Variants in BNC2 observed in about 807,000 individuals in gnomAD.
BNC2 encodes the protein basonuclin zinc finger protein 2.
A neutral mutation model predicts 76.3 loss-of-function variants in BNC2; 20 were observed. The observed-to-expected ratio is 0.26, with a 90% CI of 0.18 to 0.38. BNC2 has a LOEUF of 0.38. BNC2 is among the 10% of genes least tolerant of loss of function. The pLI, the probability that BNC2 is intolerant of heterozygous loss-of-function variation, is 1.00. For synonymous variants in BNC2, 582 were observed against 514.8 expected, an observed-to-expected ratio of 1.13 and a Z score of -1.77; for missense variants, 1,382 against 1,399.8, an observed-to-expected ratio of 0.99 and a Z score of 0.20.
intron 5 of BNC2, among the ~76,000 whole-genome samples, chr9:16,516,973 A>C (rs1443499561): frequency 6.6e-6 from 1 of 152,200 alleles, no homozygotes; most frequent in East Asian, 1.9e-4. Context: ...TGTTTAAGAA[A>C]TCACTCTGTA....
At chr9:16,537,851 T>C (rs1479678807) in intron 5 of BNC2, among the ~76,000 whole-genome samples, 1 of 152,186 alleles carries the variant, frequency 6.6e-6, no homozygotes, top group Non-Finnish European at 1.5e-5. Context: ...GAATAAATCA[T>C]ACGTGAAAAC....
At chr9:16,832,122 C>G (rs1251933072) in intron 1 of BNC2, 1 of 272,118 alleles carries the variant, frequency 3.7e-6, no homozygotes, top group Admixed American at 5.5e-5. Context: ...TACTGCAATG[C>G]AGCTTCCTGG....
chr9:16,670,074 A>G (rs1427841188), intron 3 of BNC2, among the ~76,000 whole-genome samples: 1 of 152,180 alleles, frequency 6.6e-6, no homozygotes, highest in Non-Finnish European at 1.5e-5. Flanking sequence ...AAGCATGCAT[A>G]ATGTTTCAAT....
chr9:16,533,458 A>T (rs937296254), intron 5 of BNC2, among the ~76,000 whole-genome samples: 1 of 152,212 alleles, frequency 6.6e-6, no homozygotes, highest in African/African-American at 2.4e-5. Context: ...AAGAGAAATA[A>T]TTCTGAATCA....
At chr9:16,712,279 T>C (rs1457181969) in intron 3 of BNC2, among the ~76,000 whole-genome samples, 1 of 152,162 alleles carries the variant, frequency 6.6e-6, no homozygotes, top group African/African-American at 2.4e-5. Flanking sequence ...AGTAAGTAAA[T>C]TGTGAGTAGA....
At chr9:16,609,880 T>C (rs1820496349) in intron 3 of BNC2, among the ~76,000 whole-genome samples, 1 of 152,114 alleles carries the variant, frequency 6.6e-6, no homozygotes, top group South Asian at 2.1e-4. Flanking sequence ...TCCTGTCTCT[T>C]AGTATCCTCC....
At chr9:16,512,627 G>C (rs916260205) in intron 5 of BNC2, among the ~76,000 whole-genome samples, 4 of 152,086 alleles carry the variant, frequency 2.6e-5, no homozygotes, top group Non-Finnish European at 4.4e-5. Context: ...TATTTGCGAG[G>C]TTAGTATGTG....
At chr9:16,746,584 C>T (rs999295501) in intron 1 of BNC2, among the ~76,000 whole-genome samples, 1 of 151,610 alleles carries the variant, frequency 6.6e-6, no homozygotes, top group African/African-American at 2.4e-5. Context: ...AGACTGGTCT[C>T]GAACTCTTGG....
Position 16,436,526 on chromosome 9 carries a change from G to C in BNC2, c.1668C>G (p.Ser556Arg), listed in dbSNP as rs1287447161. 6.2e-7 allele frequency: 1 copy of C among 1,613,990 alleles called. No homozygotes were observed. The highest frequency in any genetic ancestry group is 1.3e-5 in the African/African-American group (1 of 74,888). ...TCTTTAGCCCAGAAAATACTAGCTG[G>C]CTAGGGAGAGGATTTTGCAAGACAG... ...LDPVLQNPLPSQLVFSGLKTV... is the reference protein window; with the variant it reads ...LDPVLQNPLPRQLVFSGLKTV... The change falls in exon 6 of 7, where the codon AGC becomes AGG. Residue 556 changes from serine to arginine, a missense_variant. Physicochemically the swap from Ser to Arg is moderately radical, Grantham distance 110. Coordinates refer to ENST00000380672, the MANE Select transcript of BNC2 (RefSeq NM_017637.6).
chr9:16,615,349 T>G (rs10123893), intron 3 of BNC2, among the ~76,000 whole-genome samples: 7 of 152,122 alleles, frequency 4.6e-5, no homozygotes, highest in African/African-American at 1.7e-4. Context: ...CACCTTGACA[T>G]ACTGAATATT....
chr9:16,744,345 G>C (rs1463977551), intron 1 of BNC2, among the ~76,000 whole-genome samples: 1 of 152,132 alleles, frequency 6.6e-6, no homozygotes, highest in Non-Finnish European at 1.5e-5. Flanking sequence ...ACGTGGGAGA[G>C]ACTTAGTTTC....
chr9:16,711,816 C>A (rs1284583801), intron 3 of BNC2, among the ~76,000 whole-genome samples: 11 of 152,156 alleles, frequency 7.2e-5, no homozygotes, highest in Admixed American at 7.2e-4. Context: ...CTGCTTTATT[C>A]AAAAATACTA....
intron 3 of BNC2, among the ~76,000 whole-genome samples, chr9:16,679,565 C>T (rs963205049): frequency 6.6e-6 from 1 of 152,004 alleles, no homozygotes; most frequent in South Asian, 2.1e-4. Flanking sequence ...TTAATGACAC[C>T]CCCTCAGCTT....
At chr9:16,660,943 T>C (rs539757537) in intron 3 of BNC2, among the ~76,000 whole-genome samples, 1 of 152,316 alleles carries the variant, frequency 6.6e-6, no homozygotes, top group South Asian at 2.1e-4. Flanking sequence ...TAAACCGTCC[T>C]CAAATTTTGG....
At chr9:16,810,837 CCTT>C (rs756473759) in intron 1 of BNC2, among the ~76,000 whole-genome samples, 1 of 152,192 alleles carries the variant, frequency 6.6e-6, no homozygotes, top group Non-Finnish European at 1.5e-5. Context: ...GCTAGATCAT[CCTT>C]CTCTTTTTCA....
In BNC2 at chr9:16,415,291, T is replaced by C. The variant is rs544636767; in HGVS notation, c.*3698A>G. 11 of 152,774 alleles carry C rather than the reference T, an allele frequency of 7.2e-5. No individual in the cohort carries two copies. Among genetic ancestry groups the C allele is most frequent in the African/African-American group, 2.6e-4 (11 of 41,590 alleles). 9.5% of individuals were successfully genotyped at this position (152,774 alleles called of 1,614,324 possible). A position where few individuals can be genotyped will look rare whatever the true frequency, so the allele number is the denominator to read the frequency against. The stretch of plus-strand genomic sequence containing the variant: ...CCTTTTTTTCTCTCTTTCCATAGCA[T>C]GCAGATATTCCCGAAAGCGGACTAA... On this transcript the variant is annotated 3_prime_UTR_variant, in exon 7 of 7. Coordinates refer to ENST00000380672, the MANE Select transcript of BNC2 (RefSeq NM_017637.6).
chr9:16,825,562 CA>C (rs947285014), intron 1 of BNC2, among the ~76,000 whole-genome samples: 3 of 152,040 alleles, frequency 2.0e-5, no homozygotes, highest in African/African-American at 7.2e-5. Flanking sequence ...TGCTGAATTT[CA>C]AAATCCCTGA....
At chr9:16,756,520 G>A (rs1825388085) in intron 1 of BNC2, among the ~76,000 whole-genome samples, 1 of 152,228 alleles carries the variant, frequency 6.6e-6, no homozygotes, top group East Asian at 1.9e-4. Context: ...TGCAGCTGAG[G>A]TTCCAAAATC....
At chr9:16,753,038 T>A (rs1381448593) in intron 1 of BNC2, among the ~76,000 whole-genome samples, 1 of 152,244 alleles carries the variant, frequency 6.6e-6, no homozygotes, top group African/African-American at 2.4e-5. Context: ...AAATATAACA[T>A]GACACTAAAG....
Sources: allele counts gnomAD v4.1 joint callset (sites outside exome capture counted in the v4.1 genomes callset), GRCh38; gene constraint gnomAD v4.1.1; transcripts MANE v1.5; gene names NCBI Gene and HGNC (gene_info 2026-07-23, HGNC 2026-07-21).